LAMC1: variants seen among roughly 807,000 people sequenced by gnomAD.
LAMC1 encodes the protein laminin subunit gamma 1, also known as laminin subunit gamma-1.
LAMC1 carries 38 observed loss-of-function variants against 173.6 expected under a neutral mutation model. The ratio of observed to expected loss-of-function variants is 0.22; its 90% confidence interval spans 0.17 to 0.29. The LOEUF (loss-of-function observed/expected upper bound fraction) is 0.29, where lower values mean the gene tolerates loss of function less well. Among genes scored for constraint, LAMC1 ranks in the 10% least tolerant of loss-of-function variants. The probability of loss-of-function intolerance (pLI) is 1.00; values close to 1 mark genes in which losing one functional copy is unlikely to be tolerated. For missense variants in LAMC1, 1,824 were observed against 2,051.8 expected (o/e 0.89, Z 2.14); for synonymous variants, 746 against 749.1 (o/e 1.00, Z 0.07).
intron 11 of LAMC1, among the ~76,000 whole-genome samples, chr1:183,120,000 G>A (rs1032264477): frequency 6.6e-6 from 1 of 151,604 alleles, no homozygotes; most frequent in Non-Finnish European, 1.5e-5. Context: ...GCAAGATTCT[G>A]TCTCTATAAA....
At position 183,133,603 on chromosome 1, in the gene LAMC1, T is replaced by C. The variant is rs371637240; in HGVS notation, c.3849+53T>C. 3 of 1,523,466 alleles carry C rather than the reference T, an allele frequency of 2.0e-6. No homozygotes were observed. In the East Asian group the frequency reaches 6.9e-5, roughly 35 times the overall value. 94.4% of individuals were successfully genotyped at this position (1,523,466 alleles called of 1,614,324 possible). A position where few individuals can be genotyped will look rare whatever the true frequency, so the allele number is the denominator to read the frequency against. ...CCACCCCGTCTCTCCCCCAAGTCTA[T>C]GTGAGAGCCGACTGCTCTGCACCTC... On this transcript the variant is annotated intron_variant, in intron 22 of 27. Coordinates refer to ENST00000258341, the MANE Select transcript of LAMC1 (RefSeq NM_002293.4).
intron 1 of LAMC1, among the ~76,000 whole-genome samples, chr1:183,073,176 A>G (rs1655053141): frequency 6.6e-6 from 1 of 152,020 alleles, no homozygotes; most frequent in Non-Finnish European, 1.5e-5. Flanking sequence ...TGCTTTTTAA[A>G]TTTACTTCTA....
chr1:183,117,203 T>A (rs1490862438), intron 8 of LAMC1, 117 bp from the exon 9 acceptor site: 2 of 1,098,222 alleles, frequency 1.8e-6, no homozygotes, highest in East Asian at 2.4e-5. Flanking sequence ...TCAAAAAGGT[T>A]TATTGATGCC....
At chr1:183,117,085 G>T in intron 8 of LAMC1, 182 bp downstream of exon 8, 1 of 732,232 alleles carries the variant, frequency 1.4e-6, no homozygotes, top group Non-Finnish European at 2.1e-6. Flanking sequence ...TTTGGCTTTA[G>T]AATTTATCTC....
rs146520698 is a variant in LAMC1 at position 183,109,989 on chromosome 1, C to A, written c.855-499C>A. Among the ~76,000 whole-genome samples the A allele has an allele frequency of 2.6e-5, 4 of 152,318 alleles. No individual in the cohort carries two copies. The East Asian group carries it at 7.7e-4, about 29-fold the overall frequency. ...ATGGCAGATAATTGCTGATGTTCAT[C>A]AACTTATTTTGTGGTTTTGCAATCC... On this transcript the variant is annotated intron_variant, in intron 3 of 27. Coordinates refer to ENST00000258341, the MANE Select transcript of LAMC1 (RefSeq NM_002293.4).
At chr1:183,033,456 G>A (rs1243082973) in intron 1 of LAMC1, among the ~76,000 whole-genome samples, 1 of 152,166 alleles carries the variant, frequency 6.6e-6, no homozygotes, top group African/African-American at 2.4e-5. Flanking sequence ...TTTGCTGCAG[G>A]TTTAGAGAAT....
Position 183,131,293 on chromosome 1 carries a change from G to T in LAMC1, c.3487-6G>T. The T allele has an allele frequency of 6.2e-7, 1 of 1,607,890 alleles. No homozygotes were observed. Among genetic ancestry groups the T allele is most frequent in the Non-Finnish European group, 8.5e-7 (1 of 1,175,166 alleles). ...TTTGAGAATAAGTGCTTTATTTCCT[G>T]TGCAGTCAGTCACTCAGCCAGAATC... On this transcript the variant is annotated splice_polypyrimidine_tract_variant and splice_region_variant and intron_variant, in intron 19 of 27. Coordinates refer to ENST00000258341, the MANE Select transcript of LAMC1 (RefSeq NM_002293.4).
At chr1:183,063,500 G>A (rs984823797) in intron 1 of LAMC1, among the ~76,000 whole-genome samples, 34 of 152,298 alleles carry the variant, frequency 2.2e-4, no homozygotes, top group Admixed American at 8.5e-4. Flanking sequence ...CCTAAATGGC[G>A]TTGTCTGTTA....
chr1:183,069,822 G>T (rs908503634), intron 1 of LAMC1, among the ~76,000 whole-genome samples: 1 of 152,178 alleles, frequency 6.6e-6, no homozygotes, highest in Non-Finnish European at 1.5e-5. Context: ...GCTGCTTTCT[G>T]AGGAGCCTGT....
At chr1:183,104,598 C>A (rs553352697) in intron 2 of LAMC1, among the ~76,000 whole-genome samples, 67 of 152,152 alleles carry the variant, frequency 4.4e-4, no homozygotes, top group Non-Finnish European at 9.0e-4. Flanking sequence ...ATAGGAAATA[C>A]CCCATTTTTC....
chr1:183,133,483 G>A lies in LAMC1; in HGVS notation c.3782G>A (p.Gly1261Asp), dbSNP rs1466618278. ...GTACATGAGGAGGCCAAAAGGGCCG[G>A]TGACAAAGCTGTGGAGATCTATGCC... is the stretch of plus-strand genomic sequence containing the variant. ...ARVHEEAKRA[G>D]DKAVEIYASV... The change falls in exon 22 of 28, where the codon GGT becomes GAT. Residue 1261 changes from glycine (G) to aspartate (D), a missense_variant. Physicochemically the swap from Gly to Asp is moderately conservative, Grantham distance 94. Transcript: ENST00000258341. 3.1e-6 allele frequency: 5 copies of A among 1,614,134 alleles called. No homozygotes were observed. The highest frequency in any genetic ancestry group is 4.2e-6 in the Non-Finnish European group (5 of 1,179,998).
intron 1 of LAMC1, 26 bp downstream of exon 1, chr1:183,024,160 G>T: frequency 6.6e-7 from 1 of 1,516,606 alleles, no homozygotes; most frequent in East Asian, 2.5e-5. Context: ...CCCGTCCCCT[G>T]CTACTGCTCG....
chr1:183,076,674 C>T (rs1273798846), intron 1 of LAMC1, among the ~76,000 whole-genome samples: 2 of 152,212 alleles, frequency 1.3e-5, no homozygotes, highest in African/African-American at 4.8e-5. Context: ...TTCATCAAAT[C>T]CCCCATCAAG....
At chr1:183,077,776 G>GTGTGTGTGTGTGTATATATATA in intron 1 of LAMC1, among the ~76,000 whole-genome samples, 7 of 116,556 alleles carry the variant, frequency 6.0e-5, no homozygotes, top group Admixed American at 8.7e-5. Flanking sequence ...TGGCCATTGT[G>GTGTGTGTGTGTGTATATATATA]TATATATATA....
intron 21 of LAMC1, 42 bp downstream of exon 21, chr1:183,132,579 C>G (rs1341678301): frequency 2.0e-6 from 3 of 1,513,246 alleles, no homozygotes; most frequent in Non-Finnish European, 2.7e-6. Context: ...TTCAGGTGTT[C>G]TGGTAAGTAA....
intron 2 of LAMC1, among the ~76,000 whole-genome samples, chr1:183,104,221 G>C (rs1655908253): frequency 6.6e-6 from 1 of 152,174 alleles, no homozygotes; most frequent in African/African-American, 2.4e-5. Flanking sequence ...TTAGTAACAG[G>C]ATATTAATTT....
Position 183,032,899 on chromosome 1 carries a change from G to A in LAMC1, c.418+8765G>A, listed in dbSNP as rs187241952. Among the ~76,000 whole-genome samples the A allele has an allele frequency of 2.3e-3, 344 of 151,980 alleles. 1 individual carries two copies. Among genetic ancestry groups the A allele is most frequent in the Non-Finnish European group, 4.3e-3 (293 of 67,956 alleles). On this transcript the variant is annotated intron_variant, in intron 1 of 27. Coordinates refer to ENST00000258341, the MANE Select transcript of LAMC1 (RefSeq NM_002293.4). ...TCTCTTTTTTTTCCCATCTTCTTTA[G>A]AGTTCTGATTTTGTGTTCTATTCTT...
At chr1:183,087,350 T>C (rs1413111255) in intron 1 of LAMC1, among the ~76,000 whole-genome samples, 10 of 152,164 alleles carry the variant, frequency 6.6e-5, no homozygotes, top group Admixed American at 3.9e-4. Flanking sequence ...AACAAAAACA[T>C]ACCTCAAAAT....
At chr1:183,090,466 AATG>A (rs1655537529) in intron 1 of LAMC1, among the ~76,000 whole-genome samples, 1 of 152,210 alleles carries the variant, frequency 6.6e-6, no homozygotes, top group African/African-American at 2.4e-5. Context: ...ATGAATGAAA[AATG>A]AAGAAGGGGG....
Sources: allele counts gnomAD v4.1 joint callset (sites outside exome capture counted in the v4.1 genomes callset), GRCh38; gene constraint gnomAD v4.1.1; transcripts MANE v1.5; gene names NCBI Gene and HGNC (gene_info 2026-07-23, HGNC 2026-07-21).